The following CNTNAP2 variants were observed in gnomAD, a reference collection of about 807,000 sequenced individuals.
CNTNAP2 encodes the protein contactin associated protein 2, also known as contactin-associated protein-like 2.
In CNTNAP2, 98 loss-of-function variants were observed where a neutral mutation model predicts 155.2. The observed-to-expected ratio is 0.63, with a 90% CI of 0.54 to 0.75. The LOEUF is 0.75. Among genes scored for constraint, CNTNAP2 ranks in the 30% least tolerant of loss-of-function variants. CNTNAP2 has a pLI of 0.00. For missense variants in CNTNAP2, 1,727 were observed against 1,688.1 expected (o/e 1.02, Z -0.40); for synonymous variants, 651 against 631.2 (o/e 1.03, Z -0.47).
intron 15 of CNTNAP2, among the ~76,000 whole-genome samples, chr7:148,034,862 G>T (rs1233525343): frequency 6.6e-6 from 1 of 152,152 alleles, no homozygotes; most frequent in East Asian, 1.9e-4. Context: ...GTAGAAATAT[G>T]GACAATAAAG....
At chr7:148,264,361 T>C (rs1361226272) in intron 20 of CNTNAP2, among the ~76,000 whole-genome samples, 1 of 152,242 alleles carries the variant, frequency 6.6e-6, no homozygotes, top group Non-Finnish European at 1.5e-5. Context: ...GCAGTTTTTT[T>C]CTGCAAATCT....
At chr7:147,379,681 T>G (rs1796500358) in intron 9 of CNTNAP2, among the ~76,000 whole-genome samples, 1 of 152,090 alleles carries the variant, frequency 6.6e-6, no homozygotes, top group Non-Finnish European at 1.5e-5. Context: ...TTGTCATCCC[T>G]CTTTGCTGAC....
chr7:146,537,502 T>TA (rs1797887055), intron 1 of CNTNAP2, among the ~76,000 whole-genome samples: 1 of 151,930 alleles, frequency 6.6e-6, no homozygotes, highest in South Asian at 2.1e-4. Flanking sequence ...CACAGTCTAG[T>TA]AGAGTCAGGA....
chr7:147,872,742 G>A lies in CNTNAP2; in HGVS notation c.2099-30823G>A, dbSNP rs139830888. On this transcript the variant is annotated intron_variant, in intron 13 of 23. Coordinates refer to ENST00000361727, the MANE Select transcript of CNTNAP2 (RefSeq NM_014141.6). ...CCAACAAACACCCTTTTTTGGGGGC[G>A]TAGATTACTTCCTCAATTCCATCTT... 6.2e-3 allele frequency among the ~76,000 whole-genome samples: 940 copies of A among 152,116 alleles called. 26 individuals are homozygous for A. The highest frequency in any genetic ancestry group is 0.058 in the East Asian group (299 of 5,164).
intron 22 of CNTNAP2, among the ~76,000 whole-genome samples, chr7:148,404,427 G>A (rs1335825916): frequency 6.6e-6 from 1 of 152,222 alleles, no homozygotes; most frequent in Non-Finnish European, 1.5e-5. Flanking sequence ...CAGAGAAAAG[G>A]TGTGTCAACT....
At position 147,049,660 on chromosome 7, in the gene CNTNAP2, A is replaced by G. The variant is rs528528512; in HGVS notation, c.550+5606A>G. Reference sequence around the variant, plus strand: ...GATCCTGCCCGTGGAAGAGAGATGAATTCTCTAATCTGTCTGGAAACTCCT... The same window carrying G: ...GATCCTGCCCGTGGAAGAGAGATGAGTTCTCTAATCTGTCTGGAAACTCCT... On this transcript the variant is annotated intron_variant, in intron 4 of 23. Transcript: ENST00000361727. 8.5e-5 allele frequency among the ~76,000 whole-genome samples: 13 copies of G among 152,276 alleles called. No individual in the cohort carries two copies. In the South Asian group the frequency reaches 2.5e-3, roughly 29 times the overall value.
At chr7:148,036,351 G>A (rs547195273) in intron 15 of CNTNAP2, among the ~76,000 whole-genome samples, 22 of 152,160 alleles carry the variant, frequency 1.4e-4, no homozygotes, top group Non-Finnish European at 2.6e-4. Context: ...CAGCAGTGTT[G>A]GGAGGTGGGG....
At chr7:147,449,310 A>G (rs1797792524) in intron 10 of CNTNAP2, among the ~76,000 whole-genome samples, 1 of 152,184 alleles carries the variant, frequency 6.6e-6, no homozygotes, top group African/African-American at 2.4e-5. Flanking sequence ...GAGTCATTTC[A>G]TGCATTCCTT....
At chr7:147,985,306 C>A (rs906591359) in intron 15 of CNTNAP2, among the ~76,000 whole-genome samples, 1 of 151,668 alleles carries the variant, frequency 6.6e-6, no homozygotes, top group African/African-American at 2.4e-5. Flanking sequence ...GAGTGGTAAT[C>A]CCTCTGGGGC....
At chr7:146,333,131 G>A (rs113052329) in intron 1 of CNTNAP2, among the ~76,000 whole-genome samples, 1 of 151,776 alleles carries the variant, frequency 6.6e-6, no homozygotes, top group African/African-American at 2.4e-5. Context: ...TTTTAGTAGA[G>A]ATGGGGTTTC....
chr7:147,175,854 T>G (rs1054253959), intron 8 of CNTNAP2, among the ~76,000 whole-genome samples: 7 of 152,214 alleles, frequency 4.6e-5, no homozygotes, highest in Non-Finnish European at 8.8e-5. Context: ...GCTCTCTAAC[T>G]GCTCTATAAT....
intron 13 of CNTNAP2, among the ~76,000 whole-genome samples, chr7:147,697,335 C>A (rs1796176309): frequency 6.6e-6 from 1 of 152,066 alleles, no homozygotes; most frequent in Admixed American, 6.5e-5. Context: ...AAAAAAATTC[C>A]TTTTCTGATA....
chr7:147,373,258 C>A (rs1057164862), intron 9 of CNTNAP2, among the ~76,000 whole-genome samples: 6 of 151,856 alleles, frequency 4.0e-5, no homozygotes, highest in Non-Finnish European at 8.8e-5. Flanking sequence ...ACCTAGAATG[C>A]CATTTTTACA....
At chr7:147,914,006 TA>T (rs754491017) in intron 14 of CNTNAP2, among the ~76,000 whole-genome samples, 7 of 151,296 alleles carry the variant, frequency 4.6e-5, no homozygotes, top group Admixed American at 2.6e-4. Flanking sequence ...TGTACCATCT[TA>T]AAAAAAATAT....
chr7:148,123,518 G>A (rs139965355), intron 16 of CNTNAP2, among the ~76,000 whole-genome samples: 290 of 152,098 alleles, frequency 1.9e-3, no homozygotes, highest in African/African-American at 4.1e-3. Flanking sequence ...AATCCCTCGA[G>A]CCCAAGAATT....
intron 9 of CNTNAP2, among the ~76,000 whole-genome samples, chr7:147,384,115 G>GT (rs1267564932): frequency 3.9e-5 from 6 of 152,126 alleles, no homozygotes; most frequent in African/African-American, 1.4e-4. Context: ...AAAGGGTTTG[G>GT]TTTTCCTGAG....
chr7:146,295,841 C>T (rs1230252652), intron 1 of CNTNAP2, among the ~76,000 whole-genome samples: 2 of 149,934 alleles, frequency 1.3e-5, no homozygotes, highest in Admixed American at 1.3e-4. Context: ...CAGCACCGCA[C>T]TCCAGCCTGG....
At chr7:147,809,337 C>T (rs932838713) in intron 13 of CNTNAP2, among the ~76,000 whole-genome samples, 16 of 152,254 alleles carry the variant, frequency 1.1e-4, no homozygotes, top group Non-Finnish European at 1.5e-4. Context: ...TACTAAGAAC[C>T]TGCATCAGTG....
At chr7:147,594,115 T>C (rs1800785348) in intron 12 of CNTNAP2, among the ~76,000 whole-genome samples, 1 of 144,702 alleles carries the variant, frequency 6.9e-6, no homozygotes, top group African/African-American at 2.6e-5. Flanking sequence ...TTTGCCACCC[T>C]CTGGTGTCTC....
Sources: allele counts gnomAD v4.1 joint callset (sites outside exome capture counted in the v4.1 genomes callset), GRCh38; gene constraint gnomAD v4.1.1; transcripts MANE v1.5; gene names NCBI Gene and HGNC (gene_info 2026-07-23, HGNC 2026-07-21).